The following BAALC variants were observed in gnomAD, a reference collection of about 807,000 sequenced individuals.
BAALC encodes BAALC binder of MAP3K1 and KLF4, also known as brain and acute leukemia cytoplasmic protein.
A neutral mutation model predicts 15.5 loss-of-function variants in BAALC; 9 were observed. The ratio of observed to expected loss-of-function variants is 0.58; its 90% CI spans 0.35 to 1.02. BAALC has a LOEUF of 1.02. Ranked by LOEUF, BAALC falls within the 50% of genes least tolerant of loss-of-function variation. The pLI is 0.02. For missense variants in BAALC, 201 were observed against 192.4 expected, an observed-to-expected ratio of 1.04 and a Z score of -0.27; for synonymous variants, 80 against 74.6, an observed-to-expected ratio of 1.07 and a Z score of -0.37.
At chr8:103,197,675 G>A (rs1317061748) in intron 1 of BAALC, among the ~76,000 whole-genome samples, 4 of 152,150 alleles carry the variant, frequency 2.6e-5, no homozygotes, top group Non-Finnish European at 4.4e-5. Flanking sequence ...TCTGCTTCTG[G>A]TGAGGCCTTA....
chr8:103,222,033 G>A (rs554658133), intron 2 of BAALC, among the ~76,000 whole-genome samples: 5 of 152,292 alleles, frequency 3.3e-5, no homozygotes, highest in African/African-American at 7.2e-5. Flanking sequence ...GGCAGGTGGC[G>A]GGTGGGGGGC....
At chr8:103,182,736 C>T (rs1811754195) in intron 1 of BAALC, among the ~76,000 whole-genome samples, 1 of 152,124 alleles carries the variant, frequency 6.6e-6, no homozygotes, top group Admixed American at 6.5e-5. Flanking sequence ...GATACTTATC[C>T]GTGAGAGAAC....
chr8:103,164,395 T>C (rs1448231683), intron 1 of BAALC, among the ~76,000 whole-genome samples: 2 of 152,158 alleles, frequency 1.3e-5, no homozygotes, highest in African/African-American at 2.4e-5. Flanking sequence ...GGATTGTGTG[T>C]CTGCACTGGA....
chr8:103,217,407 C>T (rs549333027), intron 2 of BAALC, among the ~76,000 whole-genome samples: 2 of 152,292 alleles, frequency 1.3e-5, no homozygotes, highest in African/African-American at 4.8e-5. Flanking sequence ...CAACTGCCTA[C>T]TATTTGCCCA....
intron 2 of BAALC, among the ~76,000 whole-genome samples, chr8:103,220,511 C>T (rs1359781386): frequency 6.6e-6 from 1 of 152,124 alleles, no homozygotes; most frequent in Non-Finnish European, 1.5e-5. Flanking sequence ...TATTATGCGA[C>T]AGGCACTAAA....
At chr8:103,151,898 T>C (rs1446340177) in intron 1 of BAALC, among the ~76,000 whole-genome samples, 2 of 152,130 alleles carry the variant, frequency 1.3e-5, no homozygotes, top group Non-Finnish European at 2.9e-5. Flanking sequence ...GAATTCTAAG[T>C]GCACTGACAA....
chr8:103,201,382 T>G (rs1407218930), intron 1 of BAALC, among the ~76,000 whole-genome samples: 1 of 152,126 alleles, frequency 6.6e-6, no homozygotes, highest in Admixed American at 6.5e-5. Flanking sequence ...ATGGTAAGGT[T>G]GCTGCTTGTT....
At chr8:103,203,904 G>GT (rs1207192905) in intron 1 of BAALC, among the ~76,000 whole-genome samples, 2 of 152,160 alleles carry the variant, frequency 1.3e-5, no homozygotes, top group Non-Finnish European at 2.9e-5. Flanking sequence ...TCATGAACAA[G>GT]TTTTTGTGTG....
intron 1 of BAALC, 82 bp downstream of exon 1, chr8:103,141,139 C>A: frequency 1.5e-6 from 2 of 1,349,370 alleles, no homozygotes; most frequent in South Asian, 3.6e-5. Flanking sequence ...GGAGCCGGTT[C>A]CCTGAGGAAT....
intron 2 of BAALC, among the ~76,000 whole-genome samples, chr8:103,227,587 A>G (rs1812833517): frequency 6.6e-6 from 1 of 152,126 alleles, no homozygotes; most frequent in East Asian, 1.9e-4. Flanking sequence ...TAACTATTCT[A>G]TGTTTCTTTT....
At chr8:103,171,028 A>G (rs1408122368) in intron 1 of BAALC, among the ~76,000 whole-genome samples, 2 of 152,194 alleles carry the variant, frequency 1.3e-5, no homozygotes, top group African/African-American at 2.4e-5. Context: ...TAAAATGCCA[A>G]TCTGATTTAT....
At chr8:103,182,149 A>G (rs1811743117) in intron 1 of BAALC, among the ~76,000 whole-genome samples, 1 of 152,292 alleles carries the variant, frequency 6.6e-6, no homozygotes, top group East Asian at 1.9e-4. Flanking sequence ...CACAGAATTA[A>G]TTAGCCTCCA....
chr8:103,226,582 C>A (rs1381361064), intron 2 of BAALC, among the ~76,000 whole-genome samples: 1 of 152,204 alleles, frequency 6.6e-6, no homozygotes, highest in Non-Finnish European at 1.5e-5. Flanking sequence ...AGAATAGGCA[C>A]AACACTGCCC....
intron 1 of BAALC, among the ~76,000 whole-genome samples, chr8:103,169,528 G>A (rs919743572): frequency 6.6e-6 from 1 of 152,166 alleles, no homozygotes; most frequent in Non-Finnish European, 1.5e-5. Flanking sequence ...GGGGCTTAAG[G>A]TCTGTCATCT....
intron 2 of BAALC, among the ~76,000 whole-genome samples, chr8:103,222,969 G>C (rs576418158): frequency 1.3e-5 from 2 of 152,296 alleles, no homozygotes; most frequent in South Asian, 4.1e-4. Flanking sequence ...GTCCTGGTTT[G>C]CTGGGGCCTG....
chr8:103,157,125 T>TACACACAC (rs67526513), intron 1 of BAALC: 147 of 149,904 alleles, frequency 9.8e-4, no homozygotes, highest in African/African-American at 3.6e-3. Context: ...TGTGTGTAGG[T>TACACACAC]ACACACACAC....
chr8:103,186,605 T>C (rs1318866029), intron 1 of BAALC, among the ~76,000 whole-genome samples: 1 of 152,184 alleles, frequency 6.6e-6, no homozygotes, highest in African/African-American at 2.4e-5. Flanking sequence ...TTCAAGCTAA[T>C]CTTCCTGCTA....
chr8:103,172,903 T>A (rs911596176), intron 1 of BAALC, among the ~76,000 whole-genome samples: 5 of 152,286 alleles, frequency 3.3e-5, no homozygotes, highest in Non-Finnish European at 5.9e-5. Context: ...TAAACAATTA[T>A]AAAACAAAAA....
chr8:103,221,529 A>G (rs1812677637), intron 2 of BAALC, among the ~76,000 whole-genome samples: 1 of 151,842 alleles, frequency 6.6e-6, no homozygotes, highest in Non-Finnish European at 1.5e-5. Context: ...TTAAAAAGGT[A>G]TGGGGGGTGA....
Sources: allele counts gnomAD v4.1 joint callset (sites outside exome capture counted in the v4.1 genomes callset), GRCh38; gene constraint gnomAD v4.1.1; transcripts MANE v1.5; gene names NCBI Gene and HGNC (gene_info 2026-07-23, HGNC 2026-07-21).